PTK2: variants seen among roughly 807,000 people sequenced by gnomAD.
PTK2 encodes protein tyrosine kinase 2.
Under a neutral mutation model 150.1 loss-of-function variants are expected in PTK2, and 45 were observed. The observed-to-expected ratio is 0.30, with a 90% CI of 0.24 to 0.38. The LOEUF is 0.38. PTK2 is among the 10% of genes least tolerant of loss of function. The probability of loss-of-function intolerance (pLI) is 1.00; values close to 1 mark genes in which losing one functional copy is unlikely to be tolerated. For missense variants in PTK2, 919 were observed against 1,307.3 expected (o/e 0.70, Z 4.58); for synonymous variants, 432 against 449.2 (o/e 0.96, Z 0.48).
chr8:140,981,404 T>C (rs982018823), intron 1 of PTK2, among the ~76,000 whole-genome samples: 7 of 151,962 alleles, frequency 4.6e-5, no homozygotes, highest in Non-Finnish European at 8.8e-5. Flanking sequence ...ACAGAACCTG[T>C]GGGGCAGGAG....
At position 140,680,830 on chromosome 8, in the gene PTK2, GGGTGCTATTTTATATAGAAAAAATGTTT is replaced by G. The variant is rs376157853; in HGVS notation, c.2563-5359_2563-5332del. Among the ~76,000 whole-genome samples the G allele has an allele frequency of 2.8e-3, 424 of 152,250 alleles. 4 individuals carry two copies. Among genetic ancestry groups the G allele is most frequent in the Middle Eastern group, 0.02 (6 of 294 alleles). On this transcript the variant is annotated intron_variant, in intron 27 of 31. Coordinates refer to ENST00000522684, the Ensembl canonical transcript of PTK2. ...AGAATGTCAGCCACTGTGCCCGACTGGGTGCTATTTTATATAGAAAAAATGTTTGCAAGATTTTAAGGTAAGTGTTGAC... is the reference window on the plus strand; with the variant it reads ...AGAATGTCAGCCACTGTGCCCGACTGGCAAGATTTTAAGGTAAGTGTTGAC...
At chr8:140,742,385 A>G (rs2100056258) in intron 20 of PTK2, among the ~76,000 whole-genome samples, 2 of 152,234 alleles carry the variant, frequency 1.3e-5, no homozygotes, top group African/African-American at 4.8e-5. Context: ...TTTCTTCAGA[A>G]GAAATGTCCA....
chr8:140,980,964 G>A (rs1374399092), intron 1 of PTK2, among the ~76,000 whole-genome samples: 1 of 111,526 alleles, frequency 9.0e-6, no homozygotes, highest in African/African-American at 2.8e-5. Context: ...GTTTCATTAT[G>A]TTAGCCAGGC....
chr8:140,662,997 C>T, intron 31 of PTK2: 1 of 390,802 alleles, frequency 2.6e-6, no homozygotes, highest in East Asian at 3.6e-5. Context: ...TAATCCTGGT[C>T]TGGCTCTCAC....
intron 23 of PTK2, among the ~76,000 whole-genome samples, chr8:140,717,259 A>G (rs1472886983): frequency 6.6e-6 from 1 of 152,234 alleles, no homozygotes; most frequent in Non-Finnish European, 1.5e-5. Flanking sequence ...CTAGTCTGGT[A>G]TTTTAATCCA....
chr8:140,798,538 C>A (rs2100093036), intron 12 of PTK2, among the ~76,000 whole-genome samples: 1 of 152,066 alleles, frequency 6.6e-6, no homozygotes, highest in Non-Finnish European at 1.5e-5. Flanking sequence ...TGTTTGATAT[C>A]CAAATGTTTC....
chr8:140,723,503 GTAC>G (rs1252382619), intron 22 of PTK2, among the ~76,000 whole-genome samples: 3 of 152,224 alleles, frequency 2.0e-5, no homozygotes, highest in Non-Finnish European at 4.4e-5. Flanking sequence ...CAAGGAGACA[GTAC>G]TGAACTTTTC....
chr8:140,682,612 A>C (rs2100017687), intron 27 of PTK2, among the ~76,000 whole-genome samples: 3 of 151,752 alleles, frequency 2.0e-5, no homozygotes. Flanking sequence ...ACAATTGGCT[A>C]TAAAACAATT....
At chr8:140,747,645 G>A in intron 17 of PTK2, among the ~76,000 whole-genome samples, 1 of 96,496 alleles carries the variant, frequency 1.0e-5, no homozygotes, top group Non-Finnish European at 2.2e-5. Context: ...AGAGGAAGGG[G>A]GAGGAGGAAG....
intron 2 of PTK2, among the ~76,000 whole-genome samples, chr8:140,900,269 A>T: frequency 6.6e-6 from 1 of 152,378 alleles, no homozygotes; most frequent in East Asian, 1.9e-4. Context: ...ATATGAAAAG[A>T]AGTAGCATTT....
intron 10 of PTK2, among the ~76,000 whole-genome samples, chr8:140,815,664 G>A (rs1044235803): frequency 6.6e-6 from 1 of 151,784 alleles, no homozygotes; most frequent in Non-Finnish European, 1.5e-5. Flanking sequence ...AAAAAGTCTA[G>A]ATTAATCTCA....
At chr8:140,742,746 T>G (rs999249028) in intron 20 of PTK2, among the ~76,000 whole-genome samples, 1 of 152,254 alleles carries the variant, frequency 6.6e-6, no homozygotes, top group Non-Finnish European at 1.5e-5. Flanking sequence ...CCTTTTATAT[T>G]CTAGATAATA....
At chr8:140,813,177 C>A (rs754654529) in intron 10 of PTK2, among the ~76,000 whole-genome samples, 4 of 152,024 alleles carry the variant, frequency 2.6e-5, no homozygotes, top group Middle Eastern at 3.2e-3. Flanking sequence ...ATCATAATAA[C>A]CATTCCCTCA....
intron 22 of PTK2, among the ~76,000 whole-genome samples, chr8:140,725,009 T>A (rs2100044926): frequency 6.6e-6 from 1 of 152,262 alleles, no homozygotes; most frequent in Admixed American, 6.5e-5. Flanking sequence ...ATGGATATAT[T>A]GAAATCATAT....
chr8:140,680,755 T>C (rs896052895), intron 27 of PTK2, among the ~76,000 whole-genome samples: 1 of 152,206 alleles, frequency 6.6e-6, no homozygotes, highest in African/African-American at 2.4e-5. Context: ...GAGCTCAGTG[T>C]ATGGGAATGT....
intron 24 of PTK2, among the ~76,000 whole-genome samples, chr8:140,703,239 G>T (rs1042053878): frequency 1.3e-5 from 2 of 152,046 alleles, no homozygotes; most frequent in Non-Finnish European, 2.9e-5. Flanking sequence ...CTCCAGCCTG[G>T]GTGACAGAGA....
At chr8:141,000,676 C>T (rs1338280473) in intron 1 of PTK2, among the ~76,000 whole-genome samples, 1 of 149,010 alleles carries the variant, frequency 6.7e-6, no homozygotes, top group Non-Finnish European at 1.5e-5. Context: ...AAAGCCGCCC[C>T]CCCCTTCCTC....
At chr8:140,740,198 G>A (rs2100054911) in intron 20 of PTK2, among the ~76,000 whole-genome samples, 1 of 151,976 alleles carries the variant, frequency 6.6e-6, no homozygotes, top group African/African-American at 2.4e-5. Flanking sequence ...TTTTTTCAAG[G>A]AATGCTCATT....
upstream of PTK2, chr8:141,001,437 C>T (rs2100200233): frequency 6.6e-6 from 1 of 151,888 alleles, no homozygotes; most frequent in Non-Finnish European, 1.5e-5. Context: ...CAGCGCGCCG[C>T]TAGGCTCTGC....
Sources: gnomAD v4.1 joint callset for allele counts (sites outside exome capture counted in the v4.1 genomes callset) on GRCh38, gnomAD v4.1.1 for gene constraint, MANE v1.5 for transcripts, NCBI Gene and HGNC (gene_info 2026-07-23, HGNC 2026-07-21) for gene names.